PABIR3: variants seen among roughly 807,000 people sequenced by gnomAD.
PABIR3 encodes PABIR family member 1.
PABIR3 carries 20 observed loss-of-function variants against 23.1 expected under a neutral mutation model. The ratio of observed to expected loss-of-function variants is 0.86; its 90% CI spans 0.61 to 1.26. The LOEUF (loss-of-function observed/expected upper bound fraction) is 1.26, where lower values mean the gene tolerates loss of function less well. PABIR3 is among the 50% of genes most tolerant of loss of function. The pLI is 0.00. For synonymous variants in PABIR3, 69 were observed against 68.5 expected (o/e 1.01, Z -0.04); for missense variants, 189 against 195.4 (o/e 0.97, Z 0.20).
upstream of PABIR3, among the ~76,000 whole-genome samples, chrX:134,804,437 T>G (rs1017790100): frequency 8.9e-6 from 1 of 112,156 alleles, no homozygotes; most frequent in Non-Finnish European, 1.9e-5. Context: ...CATGTAGCTG[T>G]TCTTTTGTAA....
chrX:134,827,205 C>CCCGCCT (rs2081543134), intron 3 of PABIR3, among the ~76,000 whole-genome samples: 1 of 111,136 alleles, frequency 9.0e-6, no homozygotes, highest in African/African-American at 3.3e-5. Context: ...AAGTGATCCA[C>CCCGCCT]CCGCCTCCGC....
At chrX:134,800,808 C>A (rs1278904220) in intron 1 of PABIR3, among the ~76,000 whole-genome samples, 1 of 111,846 alleles carries the variant, frequency 8.9e-6, no homozygotes, top group African/African-American at 3.3e-5. Flanking sequence ...AAAAGGAAGC[C>A]TTAACTGAGG....
Position 134,824,257 on chromosome X carries a change from A to G in PABIR3, c.190-4969A>G, listed in dbSNP as rs183599143. On this transcript the variant is annotated intron_variant, in intron 3 of 10. Coordinates refer to ENST00000645433, the MANE Select transcript of PABIR3 (RefSeq NM_001388447.1). ...ATCACTGTAGCCCTCAGTTTTTCTG[A>G]GGCAAAATGAAGGTGATAATAATGC... Among the ~76,000 whole-genome samples the G allele has an allele frequency of 1.6e-4, 18 of 111,540 alleles. No homozygotes were observed. The Admixed American group carries it at 1.7e-3, about 11-fold the overall frequency.
At chrX:134,803,972 G>T, upstream of PABIR3, 1 of 198,946 alleles carries the variant, frequency 5.0e-6, no homozygotes. Flanking sequence ...GTGGTTTGTA[G>T]ATTTGGGTTT....
intron 4 of PABIR3, chrX:134,839,360 G>A (rs770954578): frequency 0.017 from 2,173 of 128,529 alleles, 22 homozygotes; most frequent in Non-Finnish European, 0.025. Context: ...CCGTCTGGGA[G>A]GTGAGGAGCA....
At position 134,845,317 on chromosome X, in the gene PABIR3, G is replaced by A. The variant is rs753831934; in HGVS notation, c.291-30G>A. The stretch of plus-strand genomic sequence containing the variant: ...TTAATTATATCTTTTCTTTCAGATA[G>A]GCAAACTGCAGTTTTGATTTCTTTT... On this transcript the variant is annotated intron_variant, in intron 5 of 10. Coordinates refer to ENST00000645433, the MANE Select transcript of PABIR3 (RefSeq NM_001388447.1). 4 of 1,197,508 alleles carry A rather than the reference G, an allele frequency of 3.3e-6. No individual in the cohort carries two copies. The African/African-American group carries it at 7.0e-5, about 21-fold the overall frequency.
chrX:134,854,114 GA>G lies in PABIR3; in HGVS notation c.713del (p.Asn238ThrfsTer40), dbSNP rs769739855. Reference sequence around the variant, plus strand: ...AGTCTACTTCCAGCTACTTTTGATGGAAACGACAGCAATGCTGGATCTTCTG... The same window carrying G: ...AGTCTACTTCCAGCTACTTTTGATGGAACGACAGCAATGCTGGATCTTCTG... ...NVYLLPATFD[G>X]NDSNAGSSGN... On this transcript the variant is annotated frameshift_variant, in exon 11 of 11. Coordinates refer to ENST00000645433, the MANE Select transcript of PABIR3 (RefSeq NM_001388447.1). LOFTEE classifies it low-confidence loss of function (END_TRUNC). 0.013 allele frequency: 15,428 copies of G among 1,209,327 alleles called. 99 individuals carry two copies. The highest frequency in any genetic ancestry group is 0.033 in the South Asian group (1,859 of 56,643).
intron 4 of PABIR3, among the ~76,000 whole-genome samples, chrX:134,839,990 G>A (rs2082167069): frequency 8.9e-6 from 1 of 112,267 alleles, no homozygotes; most frequent in Non-Finnish European, 1.9e-5. Context: ...AGTAGACATG[G>A]GAGACTTTTC....
chrX:134,845,920 G>A (rs1331045316), intron 6 of PABIR3, among the ~76,000 whole-genome samples: 1 of 111,645 alleles, frequency 9.0e-6, no homozygotes, highest in African/African-American at 3.3e-5. Flanking sequence ...CTATATATTA[G>A]GAGTCTTAAA....
At chrX:134,810,584 C>A in intron 2 of PABIR3, 1 of 752,285 alleles carries the variant, frequency 1.3e-6, no homozygotes, top group Non-Finnish European at 1.6e-6. Flanking sequence ...AGGGCATAGT[C>A]AGAGAAGTTA....
chrX:134,821,088 G>GTATA (rs532535490), intron 3 of PABIR3, among the ~76,000 whole-genome samples: 2,730 of 96,787 alleles, frequency 0.028, 76 homozygotes, highest in African/African-American at 0.077. Context: ...GTGTGTGTGT[G>GTATA]TATATATATA....
chrX:134,829,415 T>G (rs974331637), intron 4 of PABIR3, 133 bp downstream of exon 4: 5 of 518,799 alleles, frequency 9.6e-6, no homozygotes, highest in Admixed American at 8.2e-5. Context: ...CTAGGAATGA[T>G]TTCTTCAAAA....
intron 2 of PABIR3, among the ~76,000 whole-genome samples, chrX:134,813,761 G>GA (rs1178777237): frequency 1.2e-4 from 13 of 111,005 alleles, no homozygotes; most frequent in Non-Finnish European, 2.3e-4. Context: ...CGACATCTCT[G>GA]AAAAAACAAT....
intron 2 of PABIR3, chrX:134,810,442 A>G: frequency 1.5e-5 from 11 of 754,761 alleles, no homozygotes; most frequent in Non-Finnish European, 1.7e-5. Flanking sequence ...TACAGAAACC[A>G]CAAAGTGGAC....
At chrX:134,854,054 A>T in intron 10 of PABIR3, 37 bp from the exon 11 acceptor site, 1 of 1,200,390 alleles carries the variant, frequency 8.3e-7, no homozygotes, top group African/African-American at 1.7e-5. Flanking sequence ...AGATCTCTTG[A>T]GTTCTGCTAT....
At chrX:134,834,659 T>TTA (rs2081916798) in intron 4 of PABIR3, among the ~76,000 whole-genome samples, 1 of 112,545 alleles carries the variant, frequency 8.9e-6, no homozygotes, top group South Asian at 3.6e-4. Flanking sequence ...CATTTAAATC[T>TTA]TTAATCCATC....
intron 4 of PABIR3, among the ~76,000 whole-genome samples, chrX:134,843,818 C>T (rs1048584652): frequency 2.7e-5 from 3 of 109,568 alleles, no homozygotes; most frequent in Admixed American, 2.0e-4. Flanking sequence ...CCGCCCACCT[C>T]GGCCGCCCAA....
chrX:134,814,437 C>A (rs1023886094), intron 2 of PABIR3, among the ~76,000 whole-genome samples: 16 of 111,869 alleles, frequency 1.4e-4, no homozygotes, highest in Admixed American at 4.8e-4. Flanking sequence ...GTGGATCACG[C>A]CTGTAATCCC....
At chrX:134,829,117 G>A in intron 3 of PABIR3, 109 bp from the exon 4 acceptor site, 1 of 623,278 alleles carries the variant, frequency 1.6e-6, no homozygotes, top group Non-Finnish European at 2.7e-6. Flanking sequence ...TTGCTGGCAT[G>A]CATAAGACAC....
Sources: gnomAD v4.1 joint callset for allele counts (sites outside exome capture counted in the v4.1 genomes callset) on GRCh38, gnomAD v4.1.1 for gene constraint, MANE v1.5 for transcripts, NCBI Gene and HGNC (gene_info 2026-07-23, HGNC 2026-07-21) for gene names.